The following DEPDC5 variants were observed in gnomAD, a reference collection of about 807,000 sequenced individuals.
DEPDC5 encodes the protein DEP domain containing 5, GATOR1 subcomplex subunit, also known as GATOR1 complex protein DEPDC5.
Under a neutral mutation model 217.3 loss-of-function variants are expected in DEPDC5, and 73 were observed. The observed-to-expected ratio is 0.34, with a 90% CI of 0.28 to 0.41. DEPDC5 has a LOEUF of 0.41. DEPDC5 is among the 10% of genes least tolerant of loss of function. DEPDC5 has a pLI of 1.00. For synonymous variants in DEPDC5, 733 were observed against 756.7 expected, an observed-to-expected ratio of 0.97 and a Z score of 0.51; for missense variants, 1,675 against 2,070.1, an observed-to-expected ratio of 0.81 and a Z score of 3.70.
chr22:31,810,700 T>C, intron 20 of DEPDC5, 59 bp downstream of exon 20: 1 of 1,606,872 alleles, frequency 6.2e-7, no homozygotes, highest in Non-Finnish European at 8.5e-7. Flanking sequence ...AACCTGAAGT[T>C]CAGTAGTGAC....
intron 20 of DEPDC5, among the ~76,000 whole-genome samples, chr22:31,813,097 A>G (rs553406028): frequency 2.0e-5 from 3 of 152,224 alleles, no homozygotes; most frequent in Admixed American, 6.5e-5. Flanking sequence ...ATGTCTCTTA[A>G]TTTTGTGGCA....
At chr22:31,886,755 C>CAA (rs1224610835) in intron 38 of DEPDC5, among the ~76,000 whole-genome samples, 72 of 51,808 alleles carry the variant, frequency 1.4e-3, no homozygotes, top group East Asian at 2.7e-3. Flanking sequence ...GTCTCCATCT[C>CAA]AAAAAAAAAA....
At chr22:31,858,363 C>T (rs551854957) in intron 32 of DEPDC5, 1 of 152,300 alleles carries the variant, frequency 6.6e-6, no homozygotes, top group Non-Finnish European at 1.5e-5. Context: ...CCAAAAACTC[C>T]ATGGGTCTTT....
At chr22:31,891,896 A>T (rs2093445549) in intron 38 of DEPDC5, among the ~76,000 whole-genome samples, 1 of 152,188 alleles carries the variant, frequency 6.6e-6, no homozygotes, top group African/African-American at 2.4e-5. Flanking sequence ...CAGGAACTTG[A>T]TTGACACGTC....
Position 31,774,973 on chromosome 22 carries a change from G to A in DEPDC5, c.414-3126G>A, listed in dbSNP as rs114513166. Among the ~76,000 whole-genome samples the A allele has an allele frequency of 4.2e-3, 645 of 152,222 alleles. 4 individuals are homozygous for A. Among genetic ancestry groups the A allele is most frequent in the African/African-American group, 0.015 (614 of 41,550 alleles). On this transcript the variant is annotated intron_variant, in intron 7 of 42. Coordinates refer to ENST00000651528, the MANE Select transcript of DEPDC5 (RefSeq NM_001242896.3). ...AAGTCTCTTCTGAGGTCAGGCTTGT[G>A]ACACTTGTTCATTCACAGACGTAAC... is the stretch of plus-strand genomic sequence containing the variant.
chr22:31,883,818 C>G (rs2093240293), intron 38 of DEPDC5, among the ~76,000 whole-genome samples: 1 of 152,178 alleles, frequency 6.6e-6, no homozygotes, highest in African/African-American at 2.4e-5. Flanking sequence ...TAGCCCAGTT[C>G]CAGGAGTGGC....
At chr22:31,880,551 G>A (rs1464948468) in intron 38 of DEPDC5, among the ~76,000 whole-genome samples, 1 of 152,228 alleles carries the variant, frequency 6.6e-6, no homozygotes, top group Admixed American at 6.5e-5. Context: ...TAATCGCCCA[G>A]CTAATTGGAA....
At chr22:31,835,398 GAA>G (rs2090919102) in intron 25 of DEPDC5, among the ~76,000 whole-genome samples, 1 of 152,176 alleles carries the variant, frequency 6.6e-6, no homozygotes, top group African/African-American at 2.4e-5. Context: ...ACTGGGGTTA[GAA>G]AAGAGGCTGC....
Position 31,871,462 on chromosome 22 carries a change from G to T in DEPDC5, c.3485+718G>T, listed in dbSNP as rs545023112. On this transcript the variant is annotated intron_variant, in intron 34 of 42. Coordinates refer to ENST00000651528, the MANE Select transcript of DEPDC5 (RefSeq NM_001242896.3). ...CCCTTATGTCATAAATTCTGTGCTG[G>T]TGTAATCTGTGTCTCATCTACTGCA... Among the ~76,000 whole-genome samples, 71 of 152,238 alleles carry T rather than the reference G, an allele frequency of 4.7e-4. 2 individuals carry two copies. The South Asian group carries it at 0.01, about 22-fold the overall frequency.
intron 20 of DEPDC5, among the ~76,000 whole-genome samples, chr22:31,813,679 CTATATATA>C (rs58384211): frequency 6.9e-6 from 1 of 144,504 alleles, no homozygotes; most frequent in African/African-American, 2.5e-5. Flanking sequence ...TTTAATAAGG[CTATATATA>C]TATATATATA....
chr22:31,783,908 T>A lies in DEPDC5; in HGVS notation c.485T>A (p.Val162Glu), dbSNP rs2084713841. ...AATACAATTGTGTTTTTATTTCAGG[T>A]GGTGTTTCGTTCTACGTCGGCTATG... Reference protein sequence around the residue: ...MCGYISEDTRVVFRSTSAMVY... With the variant: ...MCGYISEDTREVFRSTSAMVY... The change falls in exon 9 of 43, where the codon GTG becomes GAG. Residue 162 changes from valine to glutamate, a missense_variant and splice_region_variant. This residue lies in a region of DEPDC5 where 628 missense variants were observed against 762.1 expected (regional missense o/e 0.82). Coordinates refer to ENST00000651528, the MANE Select transcript of DEPDC5 (RefSeq NM_001242896.3). 6.2e-7 allele frequency: 1 copy of A among 1,611,492 alleles called. No homozygotes were observed. The highest frequency in any genetic ancestry group is 1.3e-5 in the African/African-American group (1 of 74,780).
chr22:31,762,351 C>T (rs1162511990), intron 4 of DEPDC5, among the ~76,000 whole-genome samples: 1 of 152,208 alleles, frequency 6.6e-6, no homozygotes, highest in East Asian at 1.9e-4. Context: ...CAAATCCTTT[C>T]TTTTTCCCTC....
At chr22:31,803,230 A>G (rs1215483876) in intron 15 of DEPDC5, among the ~76,000 whole-genome samples, 2 of 149,750 alleles carry the variant, frequency 1.3e-5, no homozygotes, top group Non-Finnish European at 3.0e-5. Context: ...TTTTTTTTTT[A>G]GACGGAGTCT....
chr22:31,782,975 A>G (rs1022475853), intron 8 of DEPDC5, among the ~76,000 whole-genome samples: 2 of 152,166 alleles, frequency 1.3e-5, no homozygotes, highest in African/African-American at 2.4e-5. Context: ...CTTATTCCCA[A>G]CACTTCAGGA....
chr22:31,854,316 T>A (rs1196727067), intron 31 of DEPDC5, among the ~76,000 whole-genome samples: 3 of 152,156 alleles, frequency 2.0e-5, no homozygotes, highest in African/African-American at 7.2e-5. Flanking sequence ...GTCGTGTGCA[T>A]CAGATGACAA....
intron 11 of DEPDC5, among the ~76,000 whole-genome samples, chr22:31,792,368 G>A (rs2085765295): frequency 6.6e-6 from 1 of 152,088 alleles, no homozygotes; most frequent in Non-Finnish European, 1.5e-5. Context: ...GACTTTGGGA[G>A]GCTGAGGTGG....
Position 31,838,672 on chromosome 22 carries a change from C to G in DEPDC5, c.2355-13C>G. The stretch of plus-strand genomic sequence containing the variant: ...GCCAAGCATCTGTATGAGCAATCAT[C>G]TGTTGTTTTCAGGAGGGACGAAGAT... On this transcript the variant is annotated splice_polypyrimidine_tract_variant and intron_variant, in intron 26 of 42. Transcript: ENST00000651528. 1 of 1,613,232 alleles carries G rather than the reference C, an allele frequency of 6.2e-7. No individual in the cohort carries two copies. The highest frequency in any genetic ancestry group is 8.5e-7 in the Non-Finnish European group (1 of 1,179,490).
intron 32 of DEPDC5, among the ~76,000 whole-genome samples, chr22:31,860,150 A>T (rs1602495002): frequency 6.6e-6 from 1 of 152,204 alleles, no homozygotes; most frequent in East Asian, 1.9e-4. Flanking sequence ...GCTGGAAGTA[A>T]ACTCCTGAAT....
At chr22:31,804,291 G>T in intron 16 of DEPDC5, 68 bp downstream of exon 16, 1 of 1,504,632 alleles carries the variant, frequency 6.6e-7, no homozygotes, top group Non-Finnish European at 9.2e-7. Context: ...AAAATTCCAG[G>T]CGCTGTGGCA....
Sources: gnomAD v4.1 joint callset for allele counts (sites outside exome capture counted in the v4.1 genomes callset) on GRCh38, gnomAD v4.1.1 for gene constraint, gnomAD v4.1.1 regional missense constraint, MANE v1.5 for transcripts, NCBI Gene and HGNC (gene_info 2026-07-23, HGNC 2026-07-21) for gene names.